The following NAV2 variants were observed in gnomAD, a reference collection of about 807,000 sequenced individuals.
NAV2 encodes the protein neuron navigator 2, also known as helicase, APC down-regulated 1.
NAV2 carries 54 observed loss-of-function variants against 223.2 expected under a neutral mutation model. The observed-to-expected ratio is 0.24, with a 90% CI of 0.19 to 0.30. The LOEUF (loss-of-function observed/expected upper bound fraction) is 0.30. Ranked by LOEUF, NAV2 falls within the 10% of genes least tolerant of loss-of-function variation. NAV2 has a pLI of 1.00. For missense variants in NAV2, 2,806 were observed against 3,147.5 expected, an observed-to-expected ratio of 0.89 and a Z score of 2.60; for synonymous variants, 1,279 against 1,239.3, an observed-to-expected ratio of 1.03 and a Z score of -0.67.
intron 1 of NAV2, among the ~76,000 whole-genome samples, chr11:19,628,259 T>C (rs976663796): frequency 6.6e-6 from 1 of 152,134 alleles, no homozygotes; most frequent in African/African-American, 2.4e-5. Flanking sequence ...TTCCCAGGAA[T>C]GGGAAAGGGA....
chr11:19,556,727 A>C (rs2044906129), intron 1 of NAV2, among the ~76,000 whole-genome samples: 1 of 152,246 alleles, frequency 6.6e-6, no homozygotes, highest in Non-Finnish European at 1.5e-5. Context: ...GAATTCAAGT[A>C]ATATTTTAAA....
intron 5 of NAV2, among the ~76,000 whole-genome samples, chr11:19,888,181 G>A (rs181494076): frequency 9.2e-5 from 14 of 152,250 alleles, no homozygotes; most frequent in South Asian, 2.1e-4. Context: ...CAAAGGACCC[G>A]TCTGTGTTCT....
chr11:20,106,205 A>ATATGTGTGTG (rs1554969040), intron 35 of NAV2, among the ~76,000 whole-genome samples: 6 of 43,680 alleles, frequency 1.4e-4, no homozygotes, highest in African/African-American at 3.6e-4. Context: ...ATATATATAT[A>ATATGTGTGTG]TATATATATA....
At chr11:19,902,563 AAT>A (rs1353843207) in intron 6 of NAV2, among the ~76,000 whole-genome samples, 2 of 152,204 alleles carry the variant, frequency 1.3e-5, no homozygotes, top group African/African-American at 4.8e-5. Flanking sequence ...TTGTCTCAGG[AAT>A]TGAAAATGAC....
intron 1 of NAV2, among the ~76,000 whole-genome samples, chr11:19,801,507 G>T (rs79661416): frequency 1.6e-3 from 246 of 152,318 alleles, no homozygotes; most frequent in African/African-American, 5.6e-3. Flanking sequence ...GCTTACGTCT[G>T]CCTGGATCTT....
At chr11:20,104,735 C>T (rs1366629830) in intron 34 of NAV2, 2 of 152,210 alleles carry the variant, frequency 1.3e-5, no homozygotes, top group Non-Finnish European at 1.5e-5. Context: ...AGTGAGCATT[C>T]TAGAGTACAC....
Position 19,893,153 on chromosome 11 carries a change from T to G in NAV2, c.931+559T>G, listed in dbSNP as rs916614828. Among the ~76,000 whole-genome samples, 324 of 152,194 alleles carry G rather than the reference T, an allele frequency of 2.1e-3. 2 individuals are homozygous for G. Among genetic ancestry groups the G allele is most frequent in the Non-Finnish European group, 1.7e-3 (118 of 67,988 alleles). ...ATAAAAGGATATGGATTTTTTTTTTTTTTTTACTATACACAGTACTGAGTT... is the reference window on the plus strand; with the variant it reads ...ATAAAAGGATATGGATTTTTTTTTTGTTTTTACTATACACAGTACTGAGTT... On this transcript the variant is annotated intron_variant, in intron 6 of 37. Coordinates refer to ENST00000349880, the MANE Select transcript of NAV2 (RefSeq NM_145117.5).
At chr11:20,016,291 C>T (rs975639613) in intron 11 of NAV2, among the ~76,000 whole-genome samples, 3 of 152,172 alleles carry the variant, frequency 2.0e-5, no homozygotes, top group Non-Finnish European at 4.4e-5. Context: ...GATGCTGGCA[C>T]CCACATGGTC....
chr11:19,549,150 T>C (rs2044606951), intron 1 of NAV2, among the ~76,000 whole-genome samples: 1 of 152,208 alleles, frequency 6.6e-6, no homozygotes, highest in Non-Finnish European at 1.5e-5. Flanking sequence ...TCTTGGAATG[T>C]GGCTGAGGTT....
chr11:19,618,538 A>ATGGT (rs1434056302), intron 1 of NAV2, among the ~76,000 whole-genome samples: 16 of 136,202 alleles, frequency 1.2e-4, no homozygotes, highest in Non-Finnish European at 1.8e-4. Context: ...GGATGGATGG[A>ATGGT]TGGGTCCCTG....
At chr11:20,004,032 A>C (rs2052807820) in intron 11 of NAV2, among the ~76,000 whole-genome samples, 1 of 152,236 alleles carries the variant, frequency 6.6e-6, no homozygotes, top group Non-Finnish European at 1.5e-5. Context: ...TCCAGTCTGC[A>C]TAAGCCCGTT....
At chr11:19,845,178 A>G (rs997843892) in intron 3 of NAV2, among the ~76,000 whole-genome samples, 8 of 152,232 alleles carry the variant, frequency 5.3e-5, no homozygotes, top group African/African-American at 1.9e-4. Flanking sequence ...ACAAGCATAT[A>G]TAGAGTTAAA....
chr11:19,396,272 G>A (rs1240817012), intron 1 of NAV2, among the ~76,000 whole-genome samples: 1 of 152,104 alleles, frequency 6.6e-6, no homozygotes, highest in Non-Finnish European at 1.5e-5. Context: ...GCCAGTAGCT[G>A]TCTATACTAT....
chr11:19,604,221 A>G (rs1045119405), intron 1 of NAV2, among the ~76,000 whole-genome samples: 4 of 152,104 alleles, frequency 2.6e-5, no homozygotes, highest in African/African-American at 9.7e-5. Context: ...AGGCTGTGAG[A>G]AGAAGAGATT....
chr11:19,725,525 A>G (rs2051162499), intron 1 of NAV2, among the ~76,000 whole-genome samples: 1 of 152,210 alleles, frequency 6.6e-6, no homozygotes, highest in Non-Finnish European at 1.5e-5. Flanking sequence ...GAAGGACACG[A>G]TGTCCTGGAA....
chr11:20,081,613 C>T (rs949131141), intron 25 of NAV2, among the ~76,000 whole-genome samples: 1 of 152,120 alleles, frequency 6.6e-6, no homozygotes, highest in African/African-American at 2.4e-5. Flanking sequence ...GTTTCTGTGA[C>T]TGCTCTCTGG....
At chr11:19,643,768 T>G (rs2047733957) in intron 1 of NAV2, among the ~76,000 whole-genome samples, 1 of 152,226 alleles carries the variant, frequency 6.6e-6, no homozygotes, top group Non-Finnish European at 1.5e-5. Context: ...TGAACTAGTT[T>G]ACAGTCCCAC....
chr11:19,849,461 A>G (rs1305746812), intron 3 of NAV2, among the ~76,000 whole-genome samples: 1 of 152,210 alleles, frequency 6.6e-6, no homozygotes, highest in Non-Finnish European at 1.5e-5. Flanking sequence ...CCCTTGTGAA[A>G]GGCAGCTCCT....
At position 19,923,233 on chromosome 11, in the gene NAV2, T is replaced by C. The variant is rs148587743; in HGVS notation, c.932-9943T>C. On this transcript the variant is annotated intron_variant, in intron 6 of 37. Transcript: ENST00000349880. Reference sequence around the variant, plus strand: ...GCCCCCTTCATTAGGACAGTGTTTGTCAAAATGCATCCCATGATAGGCTTT... The same window carrying C: ...GCCCCCTTCATTAGGACAGTGTTTGCCAAAATGCATCCCATGATAGGCTTT... 3.2e-3 allele frequency among the ~76,000 whole-genome samples: 484 copies of C among 152,328 alleles called. 14 individuals are homozygous for C. The South Asian group carries it at 0.062, about 20-fold the overall frequency.
Sources: gnomAD v4.1 joint callset for allele counts (sites outside exome capture counted in the v4.1 genomes callset) on GRCh38, gnomAD v4.1.1 for gene constraint, MANE v1.5 for transcripts, NCBI Gene and HGNC (gene_info 2026-07-23, HGNC 2026-07-21) for gene names.